The following GLDC variants were observed in gnomAD, a reference collection of about 807,000 sequenced individuals.
GLDC encodes glycine dehydrogenase (decarboxylating), mitochondrial.
In GLDC, 104 loss-of-function variants were observed where a neutral mutation model predicts 121.3. That is an observed-to-expected ratio of 0.86 (90% CI 0.73 to 1.01). The LOEUF (loss-of-function observed/expected upper bound fraction) is 1.01, where lower values mean the gene tolerates loss of function less well. GLDC is among the 50% of genes least tolerant of loss of function. The probability of loss-of-function intolerance (pLI) is 0.00; values close to 1 mark genes in which losing one functional copy is unlikely to be tolerated. For missense variants in GLDC, 1,429 were observed against 1,306.6 expected, an observed-to-expected ratio of 1.09 and a Z score of -1.44; for synonymous variants, 546 against 480.6, an observed-to-expected ratio of 1.14 and a Z score of -1.78.
At chr9:6,641,974 C>T (rs1182530377) in intron 2 of GLDC, among the ~76,000 whole-genome samples, 1 of 152,184 alleles carries the variant, frequency 6.6e-6, no homozygotes, top group African/African-American at 2.4e-5. Flanking sequence ...CCAGAGCTTA[C>T]ATGCACCAAT....
chr9:6,556,395 G>C, intron 17 of GLDC, 93 bp from the exon 18 acceptor site: 6 of 1,056,540 alleles, frequency 5.7e-6, no homozygotes, highest in Non-Finnish European at 8.9e-6. Flanking sequence ...GATGAAGAAA[G>C]ATGAAGTCTC....
chr9:6,630,217 C>T (rs970212148), intron 2 of GLDC, among the ~76,000 whole-genome samples: 1 of 151,510 alleles, frequency 6.6e-6, no homozygotes, highest in Non-Finnish European at 1.5e-5. Flanking sequence ...TGCAGTGAGC[C>T]GAGATCGTGC....
At chr9:6,579,027 T>G (rs1367768582) in intron 15 of GLDC, among the ~76,000 whole-genome samples, 1 of 152,228 alleles carries the variant, frequency 6.6e-6, no homozygotes, top group East Asian at 1.9e-4. Flanking sequence ...AGAAATCATT[T>G]ATTTCTCTAT....
At chr9:6,609,075 C>T (rs1271388020) in intron 4 of GLDC, among the ~76,000 whole-genome samples, 1 of 152,138 alleles carries the variant, frequency 6.6e-6, no homozygotes, top group East Asian at 1.9e-4. Flanking sequence ...GCTAGGAGCA[C>T]AAAACCTAAG....
At chr9:6,632,173 C>T (rs1323484424) in intron 2 of GLDC, among the ~76,000 whole-genome samples, 1 of 152,164 alleles carries the variant, frequency 6.6e-6, no homozygotes, top group East Asian at 1.9e-4. Flanking sequence ...CAATGTGTTG[C>T]AATGAAAATT....
At chr9:6,563,627 C>T (rs1420859740) in intron 16 of GLDC, among the ~76,000 whole-genome samples, 2 of 152,220 alleles carry the variant, frequency 1.3e-5, no homozygotes, top group Non-Finnish European at 2.9e-5. Flanking sequence ...AGTGCCGAGA[C>T]TCTCAGGTCC....
At chr9:6,640,808 G>C (rs1279101018) in intron 2 of GLDC, among the ~76,000 whole-genome samples, 1 of 152,154 alleles carries the variant, frequency 6.6e-6, no homozygotes, top group East Asian at 1.9e-4. Flanking sequence ...TGGTCATAAA[G>C]TAATTTTTAA....
chr9:6,591,984 G>A, intron 11 of GLDC, 159 bp downstream of exon 11: 1 of 672,736 alleles, frequency 1.5e-6, no homozygotes, highest in Non-Finnish European at 2.7e-6. Context: ...ACCTCCAGCT[G>A]TCAGCAGTGA....
chr9:6,550,876 A>C lies in GLDC; in HGVS notation c.2496T>G (p.Thr832=). 1 of 1,613,750 alleles carries C rather than the reference A, an allele frequency of 6.2e-7. No homozygotes were observed. The highest frequency in any genetic ancestry group is 8.5e-7 in the Non-Finnish European group (1 of 1,179,666). ...GGKGLKQATE[T]AILNANYMAK... ...CCATGTAGTTGGCATTTAATATCGC[A>C]GTTTCCGTGGCTTGTTTAAGACCCT... The change falls in exon 21 of 25, where the codon ACT becomes ACG. Residue 832 remains threonine, a synonymous_variant. Transcript: ENST00000321612.
intron 15 of GLDC, among the ~76,000 whole-genome samples, chr9:6,569,520 T>TG (rs1400697106): frequency 3.3e-5 from 5 of 151,964 alleles, no homozygotes; most frequent in Admixed American, 6.6e-5. Context: ...GGTGTGGTGG[T>TG]GGGCACCTTT....
rs373217057 is a variant in GLDC at position 6,608,431 on chromosome 9, A to G, written c.635+1761T>C. On this transcript the variant is annotated intron_variant, in intron 4 of 24. Transcript: ENST00000321612. ...AGTGAGACTCTGTCTCAAAAAAAAC[A>G]AAATAATTAAAACAAATAAATTAAC... Among the ~76,000 whole-genome samples, 59 of 148,540 alleles carry G rather than the reference A, an allele frequency of 4.0e-4. 2 individuals are homozygous for G. The East Asian group carries it at 0.01, about 26-fold the overall frequency.
At chr9:6,571,569 G>A (rs10815447) in intron 15 of GLDC, among the ~76,000 whole-genome samples, 81,670 of 151,898 alleles carry the variant, frequency 0.54, 22,421 homozygotes, top group African/African-American at 0.58. Flanking sequence ...AGTTGATCTG[G>A]TAACCAAGGC....
At chr9:6,564,804 G>C (rs554346266) in intron 16 of GLDC, among the ~76,000 whole-genome samples, 1 of 152,336 alleles carries the variant, frequency 6.6e-6, no homozygotes, top group East Asian at 1.9e-4. Flanking sequence ...GGATCCTGGA[G>C]ACCAGGTTCT....
chr9:6,570,854 C>CAAAAA, intron 15 of GLDC, among the ~76,000 whole-genome samples: 1 of 99,498 alleles, frequency 1.0e-5, no homozygotes, highest in Admixed American at 1.1e-4. Flanking sequence ...AACTCTGTCT[C>CAAAAA]AAAAAAAAAA....
Position 6,582,822 on chromosome 9 carries a change from T to C in GLDC, c.1850+4319A>G, listed in dbSNP as rs149423895. ...CCAGTCTGGGCGACAGAGCGAGACC[T>C]CGTCTCAAAAAAAAAAAAAAAGAAC... On this transcript the variant is annotated intron_variant, in intron 15 of 24. Coordinates refer to ENST00000321612, the MANE Select transcript of GLDC (RefSeq NM_000170.3). 4.0e-3 allele frequency among the ~76,000 whole-genome samples: 582 copies of C among 146,136 alleles called. 6 individuals carry two copies. The highest frequency in any genetic ancestry group is 0.014 in the African/African-American group (559 of 38,882).
rs138129131 is a variant in GLDC, at chr9:6,604,636, C to T, written c.1010G>A (p.Arg337Gln). 8.1e-6 allele frequency: 13 copies of T among 1,613,486 alleles called. No homozygotes were observed. Among genetic ancestry groups the T allele is most frequent in the Admixed American group, 5.0e-5 (3 of 59,992 alleles). The change falls in exon 7 of 25, where the codon CGA becomes CAA. Residue 337 changes from arginine (R) to glutamine (Q), a missense_variant. By Grantham distance (43) the Arg-to-Gln change is conservative. Transcript: ENST00000321612. ...GGPHAAFFAVRESLVRMMPGR... is the reference protein window; with the variant it reads ...GGPHAAFFAVQESLVRMMPGR... ...AGGCATCATTCTCACCAAGCTTTCT[C>T]GGACAGCAAAAAATGCTGCATGGGG...
chr9:6,619,493 T>C (rs968230543), intron 3 of GLDC, among the ~76,000 whole-genome samples: 15 of 152,106 alleles, frequency 9.9e-5, no homozygotes, highest in African/African-American at 3.4e-4. Context: ...TTTGGGAGGC[T>C]GAAGCGGGCG....
chr9:6,544,925 C>G (rs1817355311), intron 21 of GLDC, among the ~76,000 whole-genome samples: 1 of 152,010 alleles, frequency 6.6e-6, no homozygotes, highest in African/African-American at 2.4e-5. Flanking sequence ...CAAGGAGAAA[C>G]ACTGTCTCTA....
chr9:6,639,394 T>C, intron 2 of GLDC: 1 of 854,798 alleles, frequency 1.2e-6, no homozygotes, highest in East Asian at 2.6e-5. Flanking sequence ...GACCACTGAG[T>C]CGCCATGAAG....
Sources: gnomAD v4.1 joint callset for allele counts (sites outside exome capture counted in the v4.1 genomes callset) on GRCh38, gnomAD v4.1.1 for gene constraint, MANE v1.5 for transcripts, NCBI Gene and HGNC (gene_info 2026-07-23, HGNC 2026-07-21) for gene names.